Variants in ALKAL1 observed in about 807,000 individuals in gnomAD.
The protein encoded by ALKAL1 is ALK and LTK ligand 1.
A neutral mutation model predicts 13.5 loss-of-function variants in ALKAL1; 23 were observed. The observed-to-expected ratio is 1.70, with a 90% confidence interval of 1.23 to 2.41. The LOEUF (loss-of-function observed/expected upper bound fraction) is 2.41, where lower values mean the gene tolerates loss of function less well. Ranked by LOEUF, ALKAL1 falls within the 30% of genes most tolerant of loss-of-function variation. The pLI, the probability that ALKAL1 is intolerant of heterozygous loss-of-function variation, is 0.00. For synonymous variants in ALKAL1, 85 were observed against 77.7 expected (o/e 1.09, Z -0.49); for missense variants, 181 against 178.4 (o/e 1.01, Z -0.08).
intron 1 of ALKAL1, among the ~76,000 whole-genome samples, chr8:52,547,097 A>G (rs746315406): frequency 4.6e-5 from 7 of 152,250 alleles, no homozygotes; most frequent in Non-Finnish European, 8.8e-5. Context: ...ATAAATCTGT[A>G]TTAATTTTTC....
chr8:52,545,487 A>T (rs1847359787), intron 1 of ALKAL1, among the ~76,000 whole-genome samples: 1 of 151,636 alleles, frequency 6.6e-6, no homozygotes, highest in Admixed American at 6.6e-5. Flanking sequence ...TTTGACCTGG[A>T]ACCCCCCCCA....
At chr8:52,542,549 T>C in intron 1 of ALKAL1, 104 bp from the exon 2 acceptor site, 1 of 712,600 alleles carries the variant, frequency 1.4e-6, no homozygotes, top group Non-Finnish European at 2.3e-6. Context: ...ACACATGGAT[T>C]TGTGACAGTT....
At chr8:52,563,858 G>A (rs1847574429) in intron 1 of ALKAL1, among the ~76,000 whole-genome samples, 1 of 152,174 alleles carries the variant, frequency 6.6e-6, no homozygotes, top group Admixed American at 6.5e-5. Flanking sequence ...CTCACTTAGT[G>A]CAGGTGTGCA....
At position 52,537,228 on chromosome 8, in the gene ALKAL1, A is replaced by C. The variant is rs544915029; in HGVS notation, c.*12+1203T>G. Among the ~76,000 whole-genome samples, 173 of 152,348 alleles carry C rather than the reference A, an allele frequency of 1.1e-3. 1 individual carries two copies. The highest frequency in any genetic ancestry group is 4.1e-3 in the African/African-American group (169 of 41,580). ...AACAAATATATGAAAAAAATGCTAA[A>C]CATCACTAATCATCAGGAAAATGCA... On this transcript the variant is annotated intron_variant, in intron 4 of 4. Coordinates refer to ENST00000358543, the MANE Select transcript of ALKAL1 (RefSeq NM_207413.4).
intron 1 of ALKAL1, among the ~76,000 whole-genome samples, chr8:52,555,161 A>G (rs1447739398): frequency 6.8e-6 from 1 of 147,028 alleles, no homozygotes; most frequent in Non-Finnish European, 1.5e-5. Context: ...ACAGAGCGAG[A>G]CTCTGTCTCA....
chr8:52,552,629 T>C (rs1362079670), intron 1 of ALKAL1, among the ~76,000 whole-genome samples: 1 of 152,270 alleles, frequency 6.6e-6, no homozygotes, highest in Non-Finnish European at 1.5e-5. Context: ...TGTGTTATAA[T>C]CTAATAGTAC....
Position 52,539,928 on chromosome 8 carries a change from GA to G in ALKAL1, c.245-18del, listed in dbSNP as rs138991643. On this transcript the variant is annotated intron_variant, in intron 2 of 4. Coordinates refer to ENST00000358543, the MANE Select transcript of ALKAL1 (RefSeq NM_207413.4). ...TGACCGGCCCTAGAGCACAGGAAAA[GA>G]ATGCTTATTATAAACATAGGCATGT... is the stretch of plus-strand genomic sequence containing the variant. The G allele has an allele frequency of 0.14, 221,719 of 1,604,820 alleles. 16,207 individuals are homozygous for G. Among genetic ancestry groups the G allele is most frequent in the African/African-American group, 0.2 (15,220 of 74,354 alleles).
chr8:52,563,990 A>G (rs1340918515), intron 1 of ALKAL1, among the ~76,000 whole-genome samples: 1 of 152,258 alleles, frequency 6.6e-6, no homozygotes, highest in Non-Finnish European at 1.5e-5. Context: ...TGTGGAGTGA[A>G]TAAGTATATA....
At chr8:52,550,104 T>C (rs911365803) in intron 1 of ALKAL1, among the ~76,000 whole-genome samples, 1 of 152,204 alleles carries the variant, frequency 6.6e-6, no homozygotes, top group African/African-American at 2.4e-5. Context: ...ATATCATGCT[T>C]CTTCTATTAC....
chr8:52,558,682 G>T (rs1267127819), intron 1 of ALKAL1, among the ~76,000 whole-genome samples: 1 of 151,844 alleles, frequency 6.6e-6, no homozygotes. Flanking sequence ...TTCCAAAGTG[G>T]GCTCCTTCAT....
chr8:52,555,830 G>A (rs1018623280), intron 1 of ALKAL1, among the ~76,000 whole-genome samples: 1 of 152,156 alleles, frequency 6.6e-6, no homozygotes, highest in Non-Finnish European at 1.5e-5. Flanking sequence ...CCGCCCTGGT[G>A]CTTCCCCTGT....
intron 1 of ALKAL1, among the ~76,000 whole-genome samples, chr8:52,556,495 A>G (rs1847482709): frequency 6.6e-6 from 1 of 151,570 alleles, no homozygotes; most frequent in Admixed American, 6.6e-5. Flanking sequence ...AAAATACAAA[A>G]AATTAGCCGG....
chr8:52,548,133 G>A (rs1847391100), intron 1 of ALKAL1, among the ~76,000 whole-genome samples: 2 of 151,930 alleles, frequency 1.3e-5, no homozygotes, highest in South Asian at 4.1e-4. Flanking sequence ...TGGATCGCCT[G>A]AGGTCAGGAG....
chr8:52,555,833 TC>T (rs2150347217), intron 1 of ALKAL1, among the ~76,000 whole-genome samples: 1 of 152,306 alleles, frequency 6.6e-6, no homozygotes, highest in East Asian at 1.9e-4. Flanking sequence ...CCCTGGTGCT[TC>T]CCCTGTGGCC....
intron 1 of ALKAL1, among the ~76,000 whole-genome samples, chr8:52,550,032 T>TAC (rs961208405): frequency 1.3e-5 from 2 of 152,214 alleles, no homozygotes; most frequent in African/African-American, 2.4e-5. Flanking sequence ...CTTATGTAGT[T>TAC]ACATAACATC....
At position 52,556,868 on chromosome 8, in the gene ALKAL1, G is replaced by A. The variant is rs145762620; in HGVS notation, c.190+8199C>T. Among the ~76,000 whole-genome samples, 509 of 152,044 alleles carry A rather than the reference G, an allele frequency of 3.3e-3. 17 individuals carry two copies. The East Asian group carries it at 0.081, about 24-fold the overall frequency. ...TCTATAAAGAATTCTTTAAGGTGTG[G>A]CTATTTTAACACCATCAATTAATGC... On this transcript the variant is annotated intron_variant, in intron 1 of 4. Transcript: ENST00000358543.
intron 1 of ALKAL1, among the ~76,000 whole-genome samples, chr8:52,557,862 G>C (rs1013329432): frequency 3.3e-5 from 5 of 151,552 alleles, no homozygotes; most frequent in Non-Finnish European, 5.9e-5. Flanking sequence ...GCATGTGCCT[G>C]TAGTCCCAGC....
chr8:52,535,550 C>CAAAAA (rs10719477), intron 4 of ALKAL1, among the ~76,000 whole-genome samples: 15 of 68,614 alleles, frequency 2.2e-4, no homozygotes, highest in Admixed American at 8.9e-4. Context: ...GACCCTGTCT[C>CAAAAA]AAAAAAAAAA....
intron 1 of ALKAL1, among the ~76,000 whole-genome samples, chr8:52,544,378 A>G (rs1484437967): frequency 6.6e-6 from 1 of 152,224 alleles, no homozygotes. Flanking sequence ...TAAGAAGGTA[A>G]GAAGAGATGG....
Sources: gnomAD v4.1 joint callset for allele counts (sites outside exome capture counted in the v4.1 genomes callset) on GRCh38, gnomAD v4.1.1 for gene constraint, MANE v1.5 for transcripts, NCBI Gene and HGNC (gene_info 2026-07-23, HGNC 2026-07-21) for gene names.